SLC30A6: variants seen among roughly 807,000 people sequenced by gnomAD.
SLC30A6 encodes zinc transporter 6.
A neutral mutation model predicts 63.0 loss-of-function variants in SLC30A6; 55 were observed. The observed-to-expected ratio is 0.87, with a 90% CI of 0.70 to 1.09. The LOEUF (loss-of-function observed/expected upper bound fraction) is 1.09, where lower values mean the gene tolerates loss of function less well. Among genes scored for constraint, SLC30A6 ranks in the 50% least tolerant of loss-of-function variants. The pLI, the probability that SLC30A6 is intolerant of heterozygous loss-of-function variation, is 0.00. For synonymous variants in SLC30A6, 224 were observed against 186.1 expected (o/e 1.20, Z -1.66); for missense variants, 587 against 549.2 (o/e 1.07, Z -0.69).
At chr2:32,211,713 G>T (rs530211351) in intron 13 of SLC30A6, among the ~76,000 whole-genome samples, 3 of 152,202 alleles carry the variant, frequency 2.0e-5, no homozygotes, top group African/African-American at 7.2e-5. Flanking sequence ...TGCCTCCAGG[G>T]TTCAAGCGAT....
At chr2:32,183,289 T>C (rs192038138) in intron 4 of SLC30A6, among the ~76,000 whole-genome samples, 2 of 152,236 alleles carry the variant, frequency 1.3e-5, no homozygotes, top group East Asian at 3.9e-4. Flanking sequence ...GGAGACAGAC[T>C]CTTGTCTCCC....
intron 10 of SLC30A6, among the ~76,000 whole-genome samples, chr2:32,200,774 G>C (rs1210186426): frequency 6.6e-6 from 1 of 151,802 alleles, no homozygotes; most frequent in African/African-American, 2.4e-5. Context: ...TCCCTCCACT[G>C]TTGTCCTGTG....
intron 5 of SLC30A6, among the ~76,000 whole-genome samples, chr2:32,186,446 G>A (rs1216695645): frequency 1.3e-5 from 2 of 152,230 alleles, no homozygotes; most frequent in African/African-American, 4.8e-5. Flanking sequence ...GGGACTTCGG[G>A]AGGCCAAGGT....
At chr2:32,181,256 A>G (rs1326378343) in intron 4 of SLC30A6, among the ~76,000 whole-genome samples, 11 of 152,240 alleles carry the variant, frequency 7.2e-5, no homozygotes, top group Admixed American at 6.5e-4. Context: ...TCAGTGTACC[A>G]TATTTCATCA....
Position 32,221,250 on chromosome 2 carries a change from C to G in SLC30A6, c.*537C>G, listed in dbSNP as rs1686126946. Reference sequence around the variant, plus strand: ...TCTCAGCTCACTGCAACCTCTGCCTCCTGAGTTCAAATGATTCTCCTGCCT... The same window carrying G: ...TCTCAGCTCACTGCAACCTCTGCCTGCTGAGTTCAAATGATTCTCCTGCCT... On this transcript the variant is annotated 3_prime_UTR_variant, in exon 14 of 14. Coordinates refer to ENST00000282587, the MANE Select transcript of SLC30A6 (RefSeq NM_017964.5). 1 of 157,320 alleles carries G rather than the reference C, an allele frequency of 6.4e-6. No individual in the cohort carries two copies. Among genetic ancestry groups the G allele is most frequent in the African/African-American group, 2.4e-5 (1 of 41,470 alleles). 9.7% of individuals were successfully genotyped at this position (157,320 alleles called of 1,614,324 possible). A position where few individuals can be genotyped will look rare whatever the true frequency, so the allele number is the denominator to read the frequency against.
chr2:32,171,336 T>C lies in SLC30A6; in HGVS notation c.53T>C (p.Leu18Ser). ...RKPQRSFFGK[L>S]LREFRLVAAD... ...CCACAAAGATCCTTTTTTGGCAAGT[T>C]GTTACGGGAATTTAGACTTGTAGCA... is the stretch of plus-strand genomic sequence containing the variant. Residue 18 changes from leucine (L) to serine (S), a missense_variant, in exon 2 of 14, where the codon TTG (leucine) becomes TCG (serine). Coordinates refer to ENST00000282587, the MANE Select transcript of SLC30A6 (RefSeq NM_017964.5). 1.2e-6 allele frequency: 2 copies of C among 1,613,848 alleles called. No individual in the cohort carries two copies. The highest frequency in any genetic ancestry group is 1.7e-6 in the Non-Finnish European group (2 of 1,179,846).
At chr2:32,196,630 C>T (rs868242968) in intron 8 of SLC30A6, among the ~76,000 whole-genome samples, 4 of 152,088 alleles carry the variant, frequency 2.6e-5, no homozygotes, top group Admixed American at 6.5e-5. Flanking sequence ...ATTTAAAATT[C>T]GAAACGCTCC....
chr2:32,215,439 T>C (rs1222777834), intron 13 of SLC30A6, among the ~76,000 whole-genome samples: 1 of 150,820 alleles, frequency 6.6e-6, no homozygotes, highest in Admixed American at 6.6e-5. Context: ...AAGTGATCCA[T>C]CTACCTCAGC....
chr2:32,186,564 C>T (rs1278617054), intron 5 of SLC30A6, among the ~76,000 whole-genome samples: 1 of 152,084 alleles, frequency 6.6e-6, no homozygotes, highest in Non-Finnish European at 1.5e-5. Flanking sequence ...TGGTGGCAGG[C>T]ACCTGTAATC....
chr2:32,174,377 G>A (rs868162640), intron 3 of SLC30A6, among the ~76,000 whole-genome samples: 1 of 151,680 alleles, frequency 6.6e-6, no homozygotes, highest in Non-Finnish European at 1.5e-5. Flanking sequence ...TTTTAAAACA[G>A]AAATGGGGTT....
At chr2:32,201,001 C>T (rs1370719732) in intron 10 of SLC30A6, among the ~76,000 whole-genome samples, 2 of 152,120 alleles carry the variant, frequency 1.3e-5, no homozygotes, top group African/African-American at 4.8e-5. Context: ...GGTTTTCATG[C>T]CCCTGCACAT....
rs113096935 is a variant in SLC30A6 at position 32,220,536 on chromosome 2, C to T, written c.1209C>T (p.Asn403=). The change falls in exon 14 of 14, where the codon AAC becomes AAT. Residue 403 remains asparagine (N), a synonymous_variant. Coordinates refer to ENST00000282587, the MANE Select transcript of SLC30A6 (RefSeq NM_017964.5). ...ATGTGAACCCAGTTATTCTTCTAAA[C>T]ACACAAACAAGGCCTTATGGTTTTG... ...GKNVNPVILL[N]TQTRPYGFGL... The T allele has an allele frequency of 2.5e-6, 4 of 1,614,204 alleles. No individual in the cohort carries two copies. Among genetic ancestry groups the T allele is most frequent in the Non-Finnish European group, 3.4e-6 (4 of 1,180,034 alleles).
In SLC30A6 at chr2:32,192,911, CT is replaced by C; in HGVS notation, c.366-5del. The C allele has an allele frequency of 6.7e-7, 1 of 1,490,368 alleles. No individual in the cohort carries two copies. Among genetic ancestry groups the C allele is most frequent in the Non-Finnish European group, 9.0e-7 (1 of 1,105,314 alleles). 92.3% of individuals were successfully genotyped at this position (1,490,368 alleles called of 1,614,324 possible). ...GGACTTATTTAATATATTTTTATTT[CT>C]TATAGTGCAGAACGCTTTTTGGAAC... is the stretch of plus-strand genomic sequence containing the variant. On this transcript the variant is annotated splice_polypyrimidine_tract_variant and splice_region_variant and intron_variant, in intron 6 of 13. Transcript: ENST00000282587.
At chr2:32,202,611 G>C (rs763503971) in intron 10 of SLC30A6, 6 of 471,810 alleles carry the variant, frequency 1.3e-5, no homozygotes, top group Non-Finnish European at 2.4e-5. Context: ...GATTGCAGGC[G>C]TGAACCACTG....
intron 1 of SLC30A6, among the ~76,000 whole-genome samples, chr2:32,170,037 T>A (rs983888579): frequency 6.6e-6 from 1 of 152,210 alleles, no homozygotes; most frequent in Non-Finnish European, 1.5e-5. Flanking sequence ...TTTTTCAGTT[T>A]GACCTTCTTA....
intron 4 of SLC30A6, among the ~76,000 whole-genome samples, chr2:32,181,725 G>A (rs1160618467): frequency 6.6e-6 from 1 of 151,940 alleles, no homozygotes; most frequent in Non-Finnish European, 1.5e-5. Context: ...AAAATGAGGT[G>A]GGCATGGTGG....
Position 32,206,784 on chromosome 2 carries a change from C to T in SLC30A6, c.769-102C>T, listed in dbSNP as rs925129413. ...AATCATGATAGGACAGCTGTCAAAGCAAAGGCTGGCTTAAAATCCTTTTGG... is the reference window on the plus strand; with the variant it reads ...AATCATGATAGGACAGCTGTCAAAGTAAAGGCTGGCTTAAAATCCTTTTGG... On this transcript the variant is annotated intron_variant, in intron 11 of 13. Transcript: ENST00000282587. 6 of 887,838 alleles carry T rather than the reference C, an allele frequency of 6.8e-6. No individual in the cohort carries two copies. The Admixed American group carries it at 9.1e-5, about 13-fold the overall frequency. 55.0% of individuals were successfully genotyped at this position (887,838 alleles called of 1,614,324 possible).
In SLC30A6 at chr2:32,224,188, G is replaced by T; in HGVS notation, c.*3475G>T. On this transcript the variant is annotated 3_prime_UTR_variant, in exon 14 of 14. Coordinates refer to ENST00000282587, the MANE Select transcript of SLC30A6 (RefSeq NM_017964.5). ...GAATATTTATTGAGAATATTGTTGAGAATCTCTTACATGCCAGGCACTATA... is the reference window on the plus strand; with the variant it reads ...GAATATTTATTGAGAATATTGTTGATAATCTCTTACATGCCAGGCACTATA... 1 of 272,284 alleles carries T rather than the reference G, an allele frequency of 3.7e-6. No individual in the cohort carries two copies. Among genetic ancestry groups the T allele is most frequent in the Non-Finnish European group, 6.9e-6 (1 of 145,612 alleles). 16.9% of individuals were successfully genotyped at this position (272,284 alleles called of 1,614,324 possible).
rs1686227610 is a variant in SLC30A6, at chr2:32,223,063, A to T, written c.*2350A>T. Reference sequence around the variant, plus strand: ...CACTCACAGTTGCCTGTGGGTTATGAAAGAATTGGCCCTACGTCCTGCATG... The same window carrying T: ...CACTCACAGTTGCCTGTGGGTTATGTAAGAATTGGCCCTACGTCCTGCATG... On this transcript the variant is annotated 3_prime_UTR_variant, in exon 14 of 14. Coordinates refer to ENST00000282587, the MANE Select transcript of SLC30A6 (RefSeq NM_017964.5). 2.0e-5 allele frequency: 3 copies of T among 152,338 alleles called. No homozygotes were observed. In the South Asian group the frequency reaches 6.2e-4, roughly 32 times the overall value. 9.4% of individuals were successfully genotyped at this position (152,338 alleles called of 1,614,324 possible). A position where few individuals can be genotyped will look rare whatever the true frequency, so the allele number is the denominator to read the frequency against.
Sources: allele counts gnomAD v4.1 joint callset (sites outside exome capture counted in the v4.1 genomes callset), GRCh38; gene constraint gnomAD v4.1.1; transcripts MANE v1.5; gene names NCBI Gene and HGNC (gene_info 2026-07-23, HGNC 2026-07-21).